The following VPS13A variants were observed in gnomAD, a reference collection of about 807,000 sequenced individuals.
VPS13A encodes vacuolar protein sorting 13 homolog A.
A neutral mutation model predicts 390.9 loss-of-function variants in VPS13A; 264 were observed. The observed-to-expected ratio is 0.68, with a 90% CI of 0.61 to 0.75. VPS13A has a LOEUF of 0.75. Among genes scored for constraint, VPS13A ranks in the 30% least tolerant of loss-of-function variants. VPS13A has a pLI of 0.00. For synonymous variants in VPS13A, 1,231 were observed against 1,227.1 expected (o/e 1.00, Z -0.07); for missense variants, 3,409 against 3,733.9 (o/e 0.91, Z 2.27).
intron 21 of VPS13A, 77 bp from the exon 22 acceptor site, chr9:77,252,158 G>A: frequency 8.7e-7 from 1 of 1,154,050 alleles, no homozygotes; most frequent in Non-Finnish European, 1.3e-6. Context: ...TGGAATGTGT[G>A]ACTATGAAGT....
chr9:77,262,587 C>A (rs990344095), intron 23 of VPS13A, among the ~76,000 whole-genome samples: 1 of 152,096 alleles, frequency 6.6e-6, no homozygotes, highest in Non-Finnish European at 1.5e-5. Flanking sequence ...TCCCCTAGCC[C>A]CCGACCCCTC....
chr9:77,396,176 A>G (rs1435605428), intron 68 of VPS13A, among the ~76,000 whole-genome samples: 1 of 152,190 alleles, frequency 6.6e-6, no homozygotes, highest in African/African-American at 2.4e-5. Flanking sequence ...CAGTACATAT[A>G]ACTATTTGAT....
At chr9:77,317,537 G>T in intron 39 of VPS13A, 69 bp from the exon 40 acceptor site, 1 of 1,208,600 alleles carries the variant, frequency 8.3e-7, no homozygotes, top group South Asian at 1.5e-5. Context: ...CTATTACTAG[G>T]AAAGTCTTTA....
At chr9:77,316,952 T>C (rs1829433318) in intron 39 of VPS13A, among the ~76,000 whole-genome samples, 1 of 128,806 alleles carries the variant, frequency 7.8e-6, no homozygotes, top group Admixed American at 7.6e-5. Flanking sequence ...TACAGACATC[T>C]TTTCAAGTTA....
intron 46 of VPS13A, among the ~76,000 whole-genome samples, chr9:77,335,789 A>G (rs923276764): frequency 7.9e-5 from 12 of 152,168 alleles, no homozygotes; most frequent in Non-Finnish European, 1.8e-4. Context: ...GTGGAAGACA[A>G]TGTGGTGATT....
At chr9:77,209,784 G>A (rs965074931) in intron 6 of VPS13A, among the ~76,000 whole-genome samples, 5 of 152,128 alleles carry the variant, frequency 3.3e-5, no homozygotes, top group African/African-American at 1.2e-4. Context: ...TATGAATTTA[G>A]CAGTTATGTA....
At chr9:77,248,278 C>T (rs141529141) in intron 20 of VPS13A, among the ~76,000 whole-genome samples, 8,228 of 150,590 alleles carry the variant, frequency 0.055, 330 homozygotes, top group Middle Eastern at 0.12. Context: ...TGCAGTGGCA[C>T]GATCTCGGCT....
At chr9:77,396,238 A>G (rs997527057) in intron 68 of VPS13A, among the ~76,000 whole-genome samples, 2 of 152,208 alleles carry the variant, frequency 1.3e-5, no homozygotes, top group Admixed American at 6.5e-5. Context: ...GTTGATGACA[A>G]CAATTCGTAT....
At chr9:77,399,192 A>AT (rs1834262156) in intron 68 of VPS13A, among the ~76,000 whole-genome samples, 8 of 141,776 alleles carry the variant, frequency 5.6e-5, no homozygotes, top group African/African-American at 2.3e-4. Context: ...AAAAAAAAAA[A>AT]AAAAAAAAAA....
rs1829723264 is a variant in VPS13A, at chr9:77,321,185, A to C, written c.5432A>C (p.Lys1811Thr). The C allele has an allele frequency of 6.2e-7, 1 of 1,612,322 alleles. No individual in the cohort carries two copies. Among genetic ancestry groups the C allele is most frequent in the African/African-American group, 1.3e-5 (1 of 74,848 alleles). ...TCATTTTAGATGAAAAAGAAAGCAA[A>C]AATGGCCATTGTTGAGTCAGATCCT... ...NLGIKMKKKA[K>T]MAIVESDPEE... The change falls in exon 43 of 72, where the codon AAA becomes ACA. Residue 1811 changes from lysine to threonine, a missense_variant. Around this residue, in one of 5 missense-constraint regions of VPS13A, gnomAD observed 2,717 missense variants for 2,917.4 expected, o/e 0.93. Coordinates refer to ENST00000360280, the MANE Select transcript of VPS13A (RefSeq NM_033305.3).
At chr9:77,246,423 T>A (rs980118469) in intron 19 of VPS13A, among the ~76,000 whole-genome samples, 1 of 152,130 alleles carries the variant, frequency 6.6e-6, no homozygotes, top group Non-Finnish European at 1.5e-5. Context: ...AATAAATTCT[T>A]AACTTTAAAG....
intron 24 of VPS13A, among the ~76,000 whole-genome samples, chr9:77,274,121 A>G (rs1826502165): frequency 6.6e-6 from 1 of 152,168 alleles, no homozygotes; most frequent in Non-Finnish European, 1.5e-5. Flanking sequence ...TTTTTGGTAT[A>G]AAGTTGAACA....
At chr9:77,362,186 T>C (rs1832183457) in intron 59 of VPS13A, among the ~76,000 whole-genome samples, 1 of 152,176 alleles carries the variant, frequency 6.6e-6, no homozygotes, top group African/African-American at 2.4e-5. Context: ...TATTTTTTAT[T>C]TTGTTGCTCA....
chr9:77,414,541 AGAACACATG>A, intron 71 of VPS13A, among the ~76,000 whole-genome samples: 1 of 152,046 alleles, frequency 6.6e-6, no homozygotes, highest in East Asian at 1.9e-4. Context: ...TTGAACAATG[AGAACACATG>A]GACACAGGAA....
intron 59 of VPS13A, 46 bp downstream of exon 59, chr9:77,360,687 G>T (rs200006822): frequency 7.2e-7 from 1 of 1,387,282 alleles, no homozygotes; most frequent in East Asian, 2.3e-5. Context: ...TTAGGGAAAA[G>T]ATATTATTAT....
intron 23 of VPS13A, among the ~76,000 whole-genome samples, chr9:77,261,589 A>ATT (rs1029240700): frequency 5.0e-5 from 7 of 140,386 alleles, no homozygotes; most frequent in African/African-American, 8.1e-5. Flanking sequence ...AAAAAAAAAA[A>ATT]TTTTTTTTTT....
intron 35 of VPS13A, among the ~76,000 whole-genome samples, chr9:77,310,205 A>C (rs1445582849): frequency 6.6e-6 from 1 of 152,144 alleles, no homozygotes; most frequent in Admixed American, 6.5e-5. Flanking sequence ...AAACAGAAAA[A>C]TATGGGGTTA....
At chr9:77,341,925 A>G (rs1443239998) in intron 50 of VPS13A, among the ~76,000 whole-genome samples, 1 of 151,978 alleles carries the variant, frequency 6.6e-6, no homozygotes, top group Non-Finnish European at 1.5e-5. Context: ...TAGTGGGTAT[A>G]AGGGGAAACA....
At chr9:77,377,269 G>A (rs2131603511) in intron 67 of VPS13A, among the ~76,000 whole-genome samples, 1 of 136,542 alleles carries the variant, frequency 7.3e-6, no homozygotes, top group East Asian at 2.2e-4. Flanking sequence ...CCAGACTGCG[G>A]ACTGCAGTGG....
Sources: gnomAD v4.1 joint callset for allele counts (sites outside exome capture counted in the v4.1 genomes callset) on GRCh38, gnomAD v4.1.1 for gene constraint, gnomAD v4.1.1 regional missense constraint, MANE v1.5 for transcripts, NCBI Gene and HGNC (gene_info 2026-07-23, HGNC 2026-07-21) for gene names.